The following BRD3 variants were observed in gnomAD, a reference collection of about 807,000 sequenced individuals.
The protein encoded by BRD3 is bromodomain containing 3, also known as bromodomain-containing protein 3.
Under a neutral mutation model 66.8 loss-of-function variants are expected in BRD3, and 17 were observed. That is an observed-to-expected ratio of 0.25 (90% CI 0.17 to 0.38). The LOEUF is 0.38. BRD3 is among the 10% of genes least tolerant of loss of function. The pLI is 1.00. For missense variants in BRD3, 713 were observed against 956.1 expected (o/e 0.75, Z 3.35); for synonymous variants, 421 against 393.2 (o/e 1.07, Z -0.84).
At position 134,056,190 on chromosome 9, in the gene BRD3, G is replaced by A. The variant is rs960196787; in HGVS notation, c.-113-2600C>T. ...CTGCCAGGGAAATCCCGGCCAATGT[G>A]GTTAAAGCTCTGGGGCTGCACCTGG... On this transcript the variant is annotated intron_variant, in intron 1 of 11. Transcript: ENST00000303407. Among the ~76,000 whole-genome samples the A allele has an allele frequency of 3.9e-5, 6 of 152,226 alleles. 1 individual carries two copies. Among genetic ancestry groups the A allele is most frequent in the Admixed American group, 3.3e-4 (5 of 15,282 alleles).
intron 1 of BRD3, among the ~76,000 whole-genome samples, chr9:134,066,810 G>A (rs1275597351): frequency 6.6e-6 from 1 of 152,206 alleles, no homozygotes; most frequent in Admixed American, 6.5e-5. Context: ...AGAAATCCCA[G>A]TATCTATTTC....
In BRD3 at chr9:134,048,334, G is replaced by T. The variant is rs1408764409; in HGVS notation, c.835C>A (p.Arg279=). ...DPKQAKVVAR[R]ESGGRPIKPP... is the part of the protein sequence containing the mutation. ...TTGATGGGGCGGCCACCACTCTCCC[G>T]CCGGGCCACCACTTTGGCCTGCTTG... is the stretch of plus-strand genomic sequence containing the variant. Residue 279 remains arginine (R), a synonymous_variant, in exon 6 of 12, where the codon CGG becomes AGG. Transcript: ENST00000303407. The T allele has an allele frequency of 6.3e-7, 1 of 1,599,108 alleles. No individual in the cohort carries two copies. Among genetic ancestry groups the T allele is most frequent in the Non-Finnish European group, 8.5e-7 (1 of 1,179,432 alleles).
At chr9:134,066,858 C>T (rs1487340224) in intron 1 of BRD3, among the ~76,000 whole-genome samples, 1 of 152,222 alleles carries the variant, frequency 6.6e-6, no homozygotes, top group Non-Finnish European at 1.5e-5. Flanking sequence ...AAGATCGCAA[C>T]CACTCAAGGA....
At chr9:134,065,736 G>A (rs1241802682) in intron 1 of BRD3, among the ~76,000 whole-genome samples, 1 of 152,142 alleles carries the variant, frequency 6.6e-6, no homozygotes, top group East Asian at 1.9e-4. Context: ...ACCCCACTTG[G>A]GAAACCCTGA....
intron 9 of BRD3, among the ~76,000 whole-genome samples, chr9:134,037,640 G>A (rs1829954577): frequency 1.3e-5 from 2 of 152,102 alleles, no homozygotes; most frequent in South Asian, 4.2e-4. Flanking sequence ...ACCTTAAAAA[G>A]TAAAAAGAAG....
chr9:134,046,716 C>T (rs138842529), intron 6 of BRD3, among the ~76,000 whole-genome samples: 103 of 152,328 alleles, frequency 6.8e-4, no homozygotes, highest in Admixed American at 4.7e-3. Flanking sequence ...CCGCAGCGTC[C>T]GGGCCACAGT....
At chr9:134,068,540 A>AGCGC (rs1273114691), upstream of BRD3, 5 of 146,902 alleles carry the variant, frequency 3.4e-5, no homozygotes, top group East Asian at 2.1e-4. Flanking sequence ...GCCTGGCGGG[A>AGCGC]GCGCGCGCGC....
chr9:134,038,673 C>G (rs903962610), intron 9 of BRD3, among the ~76,000 whole-genome samples: 2 of 152,112 alleles, frequency 1.3e-5, no homozygotes, highest in African/African-American at 4.8e-5. Context: ...ATCCAAAAAT[C>G]CAAAATGCTC....
At chr9:134,064,922 C>T (rs1037314034) in intron 1 of BRD3, among the ~76,000 whole-genome samples, 46 of 152,248 alleles carry the variant, frequency 3.0e-4, no homozygotes, top group African/African-American at 1.1e-3. Flanking sequence ...CCATTCTTGG[C>T]AAACGCTGAC....
chr9:134,052,514 A>ACAGCCCGACCTTCCCAAGTGGACT (rs1446117208), intron 2 of BRD3, 71 bp from the exon 3 acceptor site: 1 of 1,524,332 alleles, frequency 6.6e-7, no homozygotes, highest in Non-Finnish European at 8.9e-7. Context: ...CCAAGTGGAC[A>ACAGCCCGACCTTCCCAAGTGGACT]CAGCCCGACC....
intron 1 of BRD3, among the ~76,000 whole-genome samples, chr9:134,054,894 G>A (rs776203538): frequency 1.3e-5 from 2 of 152,110 alleles, no homozygotes; most frequent in African/African-American, 2.4e-5. Flanking sequence ...CCCCAGAGAG[G>A]AAAGGGCTTC....
At chr9:134,059,570 G>A (rs769976450) in intron 1 of BRD3, among the ~76,000 whole-genome samples, 2 of 152,254 alleles carry the variant, frequency 1.3e-5, no homozygotes, top group South Asian at 2.1e-4. Context: ...GCAGAAGGGG[G>A]TGTGGTCTCC....
Position 134,032,353 on chromosome 9 carries a change from T to C in BRD3, c.*1237A>G, listed in dbSNP as rs1216392201. 1 of 210,746 alleles carries C rather than the reference T, an allele frequency of 4.7e-6. No homozygotes were observed. Among genetic ancestry groups the C allele is most frequent in the Non-Finnish European group, 9.2e-6 (1 of 108,966 alleles). The allele number at this position is 210,746 out of a possible 1,614,324, so 13.1% of individuals were successfully genotyped here. A position where few individuals can be genotyped will look rare whatever the true frequency, so the allele number is the denominator to read the frequency against. ...AAAACAGTCTTAAAGAGACCAGAAG[T>C]GAATACAAAAGAACTAAACAAAATA... On this transcript the variant is annotated 3_prime_UTR_variant, in exon 12 of 12. Transcript: ENST00000303407.
In BRD3 at chr9:134,048,458, C is replaced by A. The variant is rs1262868337; in HGVS notation, c.715-4G>T. 3.1e-6 allele frequency: 5 copies of A among 1,598,322 alleles called. No homozygotes were observed. Among genetic ancestry groups the A allele is most frequent in the East Asian group, 2.2e-5 (1 of 44,864 alleles). On this transcript the variant is annotated splice_region_variant and splice_polypyrimidine_tract_variant and intron_variant, in intron 5 of 11. Transcript: ENST00000303407. ...CTTTCCGCTTCACGCCCTTTTTCTG[C>A]GACAGTGAAATAACCAGTGAACCCC...
rs201573976 is a variant in BRD3, at chr9:134,051,556, C to T, written c.499+6G>A. 2.3e-5 allele frequency: 36 copies of T among 1,541,214 alleles called. No homozygotes were observed. Among genetic ancestry groups the T allele is most frequent in the Middle Eastern group, 4.2e-4 (2 of 4,734 alleles). On this transcript the variant is annotated splice_donor_region_variant and intron_variant, in intron 4 of 11. Coordinates refer to ENST00000303407, the MANE Select transcript of BRD3 (RefSeq NM_007371.4). ...CCAGCCCCTCGCCTGCCCCAGCTCC[C>T]TTTACCTGCGCTCTGGGCTCCCGCA...
At chr9:134,036,631 A>C (rs1176099002) in intron 9 of BRD3, 2 of 1,428,820 alleles carry the variant, frequency 1.4e-6, no homozygotes, top group Non-Finnish European at 2.0e-6. Context: ...AAAAGGGGGA[A>C]CAAAGGAACA....
chr9:134,053,784 A>C, intron 1 of BRD3, 194 bp from the exon 2 acceptor site: 37 of 405,918 alleles, frequency 9.1e-5, no homozygotes, highest in Non-Finnish European at 8.7e-5. Context: ...ACCAGCTCAG[A>C]ACGACTCTCC....
Position 134,032,840 on chromosome 9 carries a change from CTTTTTT to C in BRD3, c.*744_*749del, listed in dbSNP as rs573215664. 4.7e-6 allele frequency: 1 copy of C among 214,462 alleles called. No individual in the cohort carries two copies. The highest frequency in any genetic ancestry group is 6.9e-5 in the East Asian group (1 of 14,518). The allele number at this position is 214,462 out of a possible 1,614,324, so 13.3% of individuals were successfully genotyped here. A position where few individuals can be genotyped will look rare whatever the true frequency, so the allele number is the denominator to read the frequency against. ...TGCCGAACCTTACAAAAAAAGTCTC[CTTTTTT>C]TTTTTTTTTAAATCTTTTCTTCTTT... On this transcript the variant is annotated 3_prime_UTR_variant, in exon 12 of 12. Transcript: ENST00000303407.
chr9:134,053,670 G>A (rs1299587640), intron 1 of BRD3, 80 bp from the exon 2 acceptor site: 17 of 1,314,084 alleles, frequency 1.3e-5, no homozygotes, highest in Admixed American at 5.8e-5. Flanking sequence ...GCGGGCTCCT[G>A]AGGGCACCTG....
Sources: gnomAD v4.1 joint callset for allele counts (sites outside exome capture counted in the v4.1 genomes callset) on GRCh38, gnomAD v4.1.1 for gene constraint, MANE v1.5 for transcripts, NCBI Gene and HGNC (gene_info 2026-07-23, HGNC 2026-07-21) for gene names.